Variants in CTNNA2 observed in about 807,000 individuals in gnomAD.
CTNNA2 encodes the protein catenin alpha 2, also known as catenin alpha-2.
A neutral mutation model predicts 101.0 loss-of-function variants in CTNNA2; 42 were observed. The ratio of observed to expected loss-of-function variants is 0.42; its 90% CI spans 0.32 to 0.54. The LOEUF (loss-of-function observed/expected upper bound fraction) is 0.54. CTNNA2 is among the 20% of genes least tolerant of loss of function. The pLI is 0.14. For synonymous variants in CTNNA2, 450 were observed against 456.4 expected, an observed-to-expected ratio of 0.99 and a Z score of 0.18; for missense variants, 871 against 1,223.1, an observed-to-expected ratio of 0.71 and a Z score of 4.29.
intron 3 of CTNNA2, among the ~76,000 whole-genome samples, chr2:79,834,691 C>T (rs1287064647): frequency 6.6e-6 from 1 of 151,858 alleles, no homozygotes; most frequent in African/African-American, 2.4e-5. Flanking sequence ...TTTGCTTATG[C>T]CTATTGTTGT....
At chr2:80,245,868 C>T (rs146955251) in intron 7 of CTNNA2, among the ~76,000 whole-genome samples, 2,403 of 126,662 alleles carry the variant, frequency 0.019, 79 homozygotes, top group African/African-American at 0.066. Flanking sequence ...AATCTCGGCT[C>T]ACTGCAAGCT....
intron 16 of CTNNA2, among the ~76,000 whole-genome samples, chr2:80,604,889 G>T (rs1308482764): frequency 2.6e-5 from 4 of 151,894 alleles, no homozygotes; most frequent in Non-Finnish European, 5.9e-5. Context: ...GCAGAAACAG[G>T]TTGCAGAATC....
At chr2:79,298,454 C>T (rs1676033228) in intron 2 of CTNNA2, among the ~76,000 whole-genome samples, 1 of 152,124 alleles carries the variant, frequency 6.6e-6, no homozygotes. Flanking sequence ...CCAAATTATA[C>T]ATCACCGCTA....
intron 7 of CTNNA2, among the ~76,000 whole-genome samples, chr2:80,311,081 G>A (rs1211130383): frequency 6.6e-6 from 1 of 151,986 alleles, no homozygotes; most frequent in East Asian, 1.9e-4. Context: ...TAAGTTTTGG[G>A]TATACATTCT....
chr2:79,585,513 A>C (rs1397618481), intron 1 of CTNNA2, among the ~76,000 whole-genome samples: 1 of 152,024 alleles, frequency 6.6e-6, no homozygotes, highest in Non-Finnish European at 1.5e-5. Flanking sequence ...TATTATTATT[A>C]TAATATGTAA....
Position 79,488,976 on chromosome 2 carries a change from T to A in CTNNA2, c.-134-16078T>A, listed in dbSNP as rs1671183509. On this transcript the variant is annotated intron_variant, in intron 4 of 21. Transcript: ENST00000466387. The stretch of plus-strand genomic sequence containing the variant: ...AATCTAATTAACCTTTTATCTGTTT[T>A]CTTCTCTACTTTATCTCTATAGCAT... 2.6e-5 allele frequency among the ~76,000 whole-genome samples: 4 copies of A among 152,176 alleles called. No individual in the cohort carries two copies. The South Asian group carries it at 8.3e-4, about 31-fold the overall frequency.
At chr2:80,348,509 T>C (rs950231500) in intron 7 of CTNNA2, among the ~76,000 whole-genome samples, 2 of 152,104 alleles carry the variant, frequency 1.3e-5, no homozygotes, top group African/African-American at 4.8e-5. Flanking sequence ...AAGCCAGAGG[T>C]TGAACTTGGC....
intron 18 of CTNNA2, among the ~76,000 whole-genome samples, chr2:80,626,524 T>C (rs1420433894): frequency 1.3e-5 from 2 of 152,104 alleles, no homozygotes; most frequent in East Asian, 3.9e-4. Context: ...CAAGAGAGAC[T>C]GGTAAACACA....
intron 7 of CTNNA2, among the ~76,000 whole-genome samples, chr2:80,267,070 G>T (rs1298879818): frequency 6.6e-6 from 1 of 152,050 alleles, no homozygotes; most frequent in Non-Finnish European, 1.5e-5. Context: ...CCTATGTCAG[G>T]CTCCCCAGTC....
chr2:79,568,430 C>T (rs1003196063), intron 1 of CTNNA2, among the ~76,000 whole-genome samples: 1 of 149,636 alleles, frequency 6.7e-6, no homozygotes, highest in Non-Finnish European at 1.5e-5. Context: ...GGTGAAACCC[C>T]GTCTCTACTA....
chr2:80,041,938 C>T (rs151052429), intron 7 of CTNNA2, among the ~76,000 whole-genome samples: 5 of 152,058 alleles, frequency 3.3e-5, no homozygotes, highest in South Asian at 2.1e-4. Flanking sequence ...AATCTAGTAG[C>T]TAGTGTTTTT....
intron 2 of CTNNA2, among the ~76,000 whole-genome samples, chr2:79,303,927 C>G (rs1483444919): frequency 2.0e-5 from 3 of 152,002 alleles, no homozygotes; most frequent in African/African-American, 7.3e-5. Flanking sequence ...TCACTGAGAT[C>G]CAGAGCATTA....
At chr2:80,266,648 G>A (rs1673024034) in intron 7 of CTNNA2, among the ~76,000 whole-genome samples, 1 of 152,222 alleles carries the variant, frequency 6.6e-6, no homozygotes, top group Non-Finnish European at 1.5e-5. Flanking sequence ...AGTAATTGAT[G>A]TGCAGTATTA....
intron 3 of CTNNA2, among the ~76,000 whole-genome samples, chr2:79,812,978 A>C (rs1677173247): frequency 6.6e-6 from 1 of 152,164 alleles, no homozygotes; most frequent in Non-Finnish European, 1.5e-5. Flanking sequence ...CCAACTTCAC[A>C]GGTGCCCATA....
At chr2:80,342,227 A>C (rs752043781) in intron 7 of CTNNA2, among the ~76,000 whole-genome samples, 5 of 152,214 alleles carry the variant, frequency 3.3e-5, no homozygotes, top group Non-Finnish European at 7.3e-5. Flanking sequence ...ATTAAATTGT[A>C]TGCTTTGAGT....
At chr2:80,545,409 TG>T (rs3835995) in intron 10 of CTNNA2, among the ~76,000 whole-genome samples, 10,010 of 151,996 alleles carry the variant, frequency 0.066, 915 homozygotes, top group African/African-American at 0.2. Flanking sequence ...CTGGGTGTGG[TG>T]GGGGCATTCC....
chr2:79,576,111 CACTT>C (rs1675779443), intron 1 of CTNNA2, among the ~76,000 whole-genome samples: 1 of 152,128 alleles, frequency 6.6e-6, no homozygotes, highest in Non-Finnish European at 1.5e-5. Context: ...AAAAATCAGA[CACTT>C]AAAAGATGAA....
chr2:80,546,053 C>G lies in CTNNA2; in HGVS notation c.1530C>G (p.Leu510=), dbSNP rs35760472. 855 of 1,613,926 alleles carry G rather than the reference C, an allele frequency of 5.3e-4. 7 individuals carry two copies. The African/African-American group carries it at 0.01, about 20-fold the overall frequency. The change falls in exon 11 of 19, where the codon CTC becomes CTG. Residue 510 remains leucine, a synonymous_variant. Transcript: ENST00000402739. ...ACATCACCTCAGTGGATGACTTCCTCTCTGTCTCAGGTAATCATCACAAAC... is the reference window on the plus strand; with the variant it reads ...ACATCACCTCAGTGGATGACTTCCTGTCTGTCTCAGGTAATCATCACAAAC... ...VDDITSVDDF[L]SVSENHILED...
intron 7 of CTNNA2, among the ~76,000 whole-genome samples, chr2:79,969,500 G>T (rs1690321341): frequency 1.3e-5 from 2 of 152,018 alleles, no homozygotes; most frequent in Admixed American, 6.5e-5. Flanking sequence ...CAGAAATAAA[G>T]AAATTACAGG....
Sources: allele counts gnomAD v4.1 joint callset (sites outside exome capture counted in the v4.1 genomes callset), GRCh38; gene constraint gnomAD v4.1.1; transcripts MANE v1.5; gene names NCBI Gene and HGNC (gene_info 2026-07-23, HGNC 2026-07-21).